The following RELCH variants were observed in gnomAD, a reference collection of about 807,000 sequenced individuals.
RELCH encodes the protein RAB11-binding protein RELCH.
In RELCH, 41 loss-of-function variants were observed where a neutral mutation model predicts 150.3. The observed-to-expected ratio is 0.27, with a 90% CI of 0.21 to 0.35. RELCH has a LOEUF of 0.35. RELCH is among the 10% of genes least tolerant of loss of function. The probability of loss-of-function intolerance (pLI) is 1.00; values close to 1 mark genes in which losing one functional copy is unlikely to be tolerated. For missense variants in RELCH, 1,092 were observed against 1,467.8 expected, an observed-to-expected ratio of 0.74 and a Z score of 4.18; for synonymous variants, 478 against 531.8, an observed-to-expected ratio of 0.90 and a Z score of 1.39.
In RELCH at chr18:62,307,132, G is replaced by A. The variant is rs2045903703; in HGVS notation, c.*1598G>A. 6.6e-6 allele frequency: 1 copy of A among 151,906 alleles called. No homozygotes were observed. Among genetic ancestry groups the A allele is most frequent in the South Asian group, 2.1e-4 (1 of 4,816 alleles). 9.4% of individuals were successfully genotyped at this position (151,906 alleles called of 1,614,324 possible). A position where few individuals can be genotyped will look rare whatever the true frequency, so the allele number is the denominator to read the frequency against. ...TTGCATATGTTTTTGATTTGGTTTG[G>A]GCTATGCATTTTACTTTCGTTTTGA... On this transcript the variant is annotated 3_prime_UTR_variant, in exon 29 of 29. Coordinates refer to ENST00000644646, the MANE Select transcript of RELCH (RefSeq NM_001346231.2).
intron 22 of RELCH, among the ~76,000 whole-genome samples, chr18:62,278,245 G>A (rs1156795422): frequency 1.3e-5 from 2 of 152,080 alleles, no homozygotes; most frequent in Non-Finnish European, 2.9e-5. Context: ...TCAAGATGCT[G>A]ATTCAAATCT....
rs1034323839 is a variant in RELCH at position 62,226,721 on chromosome 18, G to A, written c.859-568G>A. 3.9e-5 allele frequency among the ~76,000 whole-genome samples: 6 copies of A among 152,118 alleles called. No individual in the cohort carries two copies. In the East Asian group the frequency reaches 9.7e-4, roughly 24 times the overall value. ...TTTTAAGAGATATAATAAAAAAATT[G>A]TGTAACATTTTGATACCTAAGACAA... On this transcript the variant is annotated intron_variant, in intron 5 of 28. Coordinates refer to ENST00000644646, the MANE Select transcript of RELCH (RefSeq NM_001346231.2).
rs1486275185 is a variant in RELCH, at chr18:62,280,693, C to T, written c.3098C>T (p.Thr1033Ile). ...TIPAFGTIME[T>I]VIQRELLERV... is the part of the protein sequence containing the mutation. ...CCAGCCTTTGGCACTATTATGGAAA[C>T]AGTAATTCAAAGAGAGGTAGGAATA... The change falls in exon 24 of 29, where the codon ACA (threonine) becomes ATA (isoleucine). Residue 1033 changes from threonine to isoleucine, a missense_variant. Thr to Ile is a moderately conservative substitution (Grantham distance 89). Around this residue, in one of 4 missense-constraint regions of RELCH, gnomAD observed 707 missense variants for 1,025.4 expected, o/e 0.69. Transcript: ENST00000644646. 5 of 1,606,366 alleles carry T rather than the reference C, an allele frequency of 3.1e-6. No homozygotes were observed. Among genetic ancestry groups the T allele is most frequent in the Non-Finnish European group, 4.3e-6 (5 of 1,173,320 alleles).
intron 15 of RELCH, 124 bp downstream of exon 15, chr18:62,258,800 A>G (rs771810507): frequency 3.3e-5 from 19 of 569,232 alleles, no homozygotes; most frequent in African/African-American, 1.0e-4. Context: ...ATACATTACC[A>G]GTTAAAGATG....
At chr18:62,198,934 C>T (rs926027961) in intron 1 of RELCH, among the ~76,000 whole-genome samples, 13 of 151,766 alleles carry the variant, frequency 8.6e-5, no homozygotes, top group Non-Finnish European at 1.6e-4. Context: ...ATAAAGTTAT[C>T]CCTTTAGTTT....
At chr18:62,239,609 G>A (rs554533275) in intron 10 of RELCH, among the ~76,000 whole-genome samples, 66 of 152,090 alleles carry the variant, frequency 4.3e-4, no homozygotes, top group South Asian at 2.1e-3. Context: ...TTTTCCTCCA[G>A]TCTAAGAGCA....
chr18:62,252,380 A>G (rs931366573), intron 11 of RELCH, among the ~76,000 whole-genome samples: 2 of 151,800 alleles, frequency 1.3e-5, no homozygotes, highest in African/African-American at 2.4e-5. Flanking sequence ...CTATCTGGGC[A>G]TGGTGGTGAA....
At chr18:62,209,017 T>C (rs2039993005) in intron 1 of RELCH, among the ~76,000 whole-genome samples, 1 of 152,194 alleles carries the variant, frequency 6.6e-6, no homozygotes, top group Non-Finnish European at 1.5e-5. Context: ...TCTTTGTGAT[T>C]ACATTAGGTC....
At chr18:62,189,078 G>A (rs1481210144) in intron 1 of RELCH, among the ~76,000 whole-genome samples, 1 of 151,964 alleles carries the variant, frequency 6.6e-6, no homozygotes, top group East Asian at 1.9e-4. Flanking sequence ...TTCTATCAAG[G>A]TGAATCTTAA....
chr18:62,268,856 TTAA>T lies in RELCH; in HGVS notation c.2681-8_2681-6del. Reference sequence around the variant, plus strand: ...TATACTTATGTTTTTTTAAATTATTTTAATAATTTTAGATTCCTCAGCAGGAAA... The same window carrying T: ...TATACTTATGTTTTTTTAAATTATTTTAATTTTAGATTCCTCAGCAGGAAA... On this transcript the variant is annotated splice_polypyrimidine_tract_variant and intron_variant, in intron 19 of 28. Transcript: ENST00000644646. 1 of 1,349,522 alleles carries T rather than the reference TTAA, an allele frequency of 7.4e-7. No homozygotes were observed. The highest frequency in any genetic ancestry group is 1.5e-5 in the African/African-American group (1 of 66,446). 83.6% of individuals were successfully genotyped at this position (1,349,522 alleles called of 1,614,324 possible).
At chr18:62,226,779 T>C (rs2041243889) in intron 5 of RELCH, among the ~76,000 whole-genome samples, 1 of 152,132 alleles carries the variant, frequency 6.6e-6, no homozygotes, top group African/African-American at 2.4e-5. Context: ...TCAGGAAACT[T>C]ACAAGAATAA....
chr18:62,291,597 G>A lies in RELCH; in HGVS notation c.3425G>A (p.Arg1142Gln), dbSNP rs370738160. The A allele has an allele frequency of 9.9e-5, 160 of 1,609,030 alleles. No homozygotes were observed. The highest frequency in any genetic ancestry group is 1.3e-4 in the Non-Finnish European group (151 of 1,177,386). The change falls in exon 27 of 29, where the codon CGG becomes CAG. Residue 1142 changes from arginine to glutamine, a missense_variant. Coordinates refer to ENST00000644646, the MANE Select transcript of RELCH (RefSeq NM_001346231.2). ...TTTTTACCTGGTCTCAGATGTTTACGGACTGACATGGAACATCTCTCTCCA... is the reference window on the plus strand; with the variant it reads ...TTTTTACCTGGTCTCAGATGTTTACAGACTGACATGGAACATCTCTCTCCA... ...NHFLPGLRCL[R>Q]TDMEHLSPEH...
chr18:62,214,551 T>A (rs1026805540), intron 2 of RELCH, among the ~76,000 whole-genome samples: 1 of 152,170 alleles, frequency 6.6e-6, no homozygotes, highest in African/African-American at 2.4e-5. Flanking sequence ...CTCTTGACAT[T>A]GCTCTGATGG....
intron 27 of RELCH, among the ~76,000 whole-genome samples, chr18:62,295,925 A>G (rs1362206259): frequency 6.6e-6 from 1 of 152,130 alleles, no homozygotes. Context: ...CATTTGCTAT[A>G]TTTTATCTTT....
chr18:62,262,973 G>T (rs1875830178), intron 16 of RELCH, among the ~76,000 whole-genome samples: 1 of 151,916 alleles, frequency 6.6e-6, no homozygotes, highest in African/African-American at 2.4e-5. Context: ...AGTGTTTCTT[G>T]GCTTTTAGAT....
At chr18:62,268,781 T>G in intron 19 of RELCH, 88 bp from the exon 20 acceptor site, 1 of 620,138 alleles carries the variant, frequency 1.6e-6, no homozygotes, top group Non-Finnish European at 2.7e-6. Flanking sequence ...TAGTAAACAG[T>G]TGTAATTTTA....
chr18:62,301,715 G>A (rs2045672158), intron 28 of RELCH, among the ~76,000 whole-genome samples: 1 of 152,150 alleles, frequency 6.6e-6, no homozygotes, highest in Admixed American at 6.5e-5. Flanking sequence ...CACACCTTGA[G>A]AATCACTGCT....
At chr18:62,256,983 T>C (rs2043020953) in intron 13 of RELCH, among the ~76,000 whole-genome samples, 2 of 152,078 alleles carry the variant, frequency 1.3e-5, no homozygotes, top group South Asian at 4.1e-4. Flanking sequence ...TGTATTTTTG[T>C]TTCTAAAAAG....
intron 26 of RELCH, among the ~76,000 whole-genome samples, chr18:62,291,001 T>G (rs933694590): frequency 6.6e-6 from 1 of 152,228 alleles, no homozygotes; most frequent in East Asian, 1.9e-4. Flanking sequence ...ACATCTGTAA[T>G]GCAGTTGTCT....
Sources: allele counts gnomAD v4.1 joint callset (sites outside exome capture counted in the v4.1 genomes callset), GRCh38; gene constraint gnomAD v4.1.1; regional missense constraint gnomAD v4.1.1; transcripts MANE v1.5; gene names NCBI Gene and HGNC (gene_info 2026-07-23, HGNC 2026-07-21).